NFATC3: variants seen among roughly 807,000 people sequenced by gnomAD.
The protein encoded by NFATC3 is nuclear factor of activated T-cells, cytoplasmic 3.
NFATC3 carries 46 observed loss-of-function variants against 98.6 expected under a neutral mutation model. The observed-to-expected ratio is 0.47, with a 90% confidence interval of 0.37 to 0.60. NFATC3 has a LOEUF of 0.60. Among genes scored for constraint, NFATC3 ranks in the 20% least tolerant of loss-of-function variants. NFATC3 has a pLI of 0.00. For synonymous variants in NFATC3, 512 were observed against 472.2 expected, an observed-to-expected ratio of 1.08 and a Z score of -1.09; for missense variants, 1,256 against 1,295.5, an observed-to-expected ratio of 0.97 and a Z score of 0.47.
At chr16:68,114,684 C>T (rs769692402) in intron 1 of NFATC3, among the ~76,000 whole-genome samples, 4 of 151,352 alleles carry the variant, frequency 2.6e-5, no homozygotes, top group South Asian at 2.1e-4. Flanking sequence ...AAATGATTCT[C>T]CTACCTCAGC....
intron 4 of NFATC3, among the ~76,000 whole-genome samples, chr16:68,161,595 C>T (rs1470163219): frequency 6.6e-6 from 1 of 152,186 alleles, no homozygotes; most frequent in Non-Finnish European, 1.5e-5. Flanking sequence ...CTTTACCGTA[C>T]AACACGTGGC....
chr16:68,206,321 T>G (rs781052710), intron 9 of NFATC3, among the ~76,000 whole-genome samples: 3 of 152,226 alleles, frequency 2.0e-5, no homozygotes, highest in Non-Finnish European at 4.4e-5. Context: ...CAATATTGTA[T>G]AACCACCACC....
At chr16:68,201,957 CAAAAAAAAAAA>C (rs778770193) in intron 9 of NFATC3, among the ~76,000 whole-genome samples, 3 of 23,650 alleles carry the variant, frequency 1.3e-4, no homozygotes, top group South Asian at 2.0e-3. Flanking sequence ...GACTCCATCT[CAAAAAAAAAAA>C]AAAAAAAAAA....
At chr16:68,111,010 T>C (rs1173792352) in intron 1 of NFATC3, among the ~76,000 whole-genome samples, 1 of 152,230 alleles carries the variant, frequency 6.6e-6, no homozygotes, top group African/African-American at 2.4e-5. Flanking sequence ...TGCGCTGTGG[T>C]CTGAGAGACA....
At chr16:68,224,432 G>A (rs1382233241) in intron 9 of NFATC3, among the ~76,000 whole-genome samples, 2 of 151,206 alleles carry the variant, frequency 1.3e-5, no homozygotes, top group Non-Finnish European at 2.9e-5. Context: ...GCCTGCCACC[G>A]TGCCTGGCTA....
chr16:68,137,762 C>T lies in NFATC3; in HGVS notation c.1401+11152C>T, dbSNP rs551732869. 1.6e-3 allele frequency among the ~76,000 whole-genome samples: 248 copies of T among 151,904 alleles called. 1 individual carries two copies. Among genetic ancestry groups the T allele is most frequent in the Non-Finnish European group, 3.0e-3 (204 of 67,942 alleles). On this transcript the variant is annotated intron_variant, in intron 3 of 9. Transcript: ENST00000346183. ...CCGAGTAGCTGGGACTACAGGTGCC[C>T]GCCACCACGCCCAGCTAATTTTTTT...
intron 1 of NFATC3, among the ~76,000 whole-genome samples, chr16:68,111,116 T>A (rs751099226): frequency 2.0e-5 from 3 of 152,160 alleles, no homozygotes; most frequent in Non-Finnish European, 4.4e-5. Context: ...CTGAGAAGAA[T>A]GTATATTCTG....
intron 3 of NFATC3, among the ~76,000 whole-genome samples, chr16:68,151,400 A>G (rs907679444): frequency 5.3e-5 from 8 of 152,188 alleles, no homozygotes; most frequent in African/African-American, 1.9e-4. Context: ...CATTACTGAC[A>G]ATGACATGAT....
At chr16:68,126,828 ACT>A (rs534752551) in intron 3 of NFATC3, among the ~76,000 whole-genome samples, 56 of 152,170 alleles carry the variant, frequency 3.7e-4, no homozygotes, top group African/African-American at 1.1e-3. Context: ...TTCTGGGGAG[ACT>A]CTGGAGAAAG....
At chr16:68,194,445 C>G (rs1040300411) in intron 9 of NFATC3, among the ~76,000 whole-genome samples, 1 of 152,220 alleles carries the variant, frequency 6.6e-6, no homozygotes, top group Non-Finnish European at 1.5e-5. Context: ...ATAAGTGTCA[C>G]TCCCTACTAA....
intron 8 of NFATC3, 110 bp downstream of exon 8, chr16:68,183,476 A>C: frequency 1.7e-6 from 2 of 1,194,438 alleles, no homozygotes; most frequent in Non-Finnish European, 1.2e-6. Flanking sequence ...ATAAACAATG[A>C]AAACACCAAC....
At chr16:68,217,464 C>CAA (rs68079157) in intron 9 of NFATC3, among the ~76,000 whole-genome samples, 5,370 of 44,884 alleles carry the variant, frequency 0.12, 391 homozygotes, top group South Asian at 0.16. Context: ...GTCTCTGTCT[C>CAA]AAAAAAAAAA....
In NFATC3 at chr16:68,129,822, T is replaced by C. The variant is rs376472273; in HGVS notation, c.1401+3212T>C. Among the ~76,000 whole-genome samples, 81 of 152,096 alleles carry C rather than the reference T, an allele frequency of 5.3e-4. 1 individual carries two copies. Among genetic ancestry groups the C allele is most frequent in the African/African-American group, 1.8e-3 (76 of 41,504 alleles). ...CCTCCCGAGTAGCTGGGACTGCAGATGCATGCCACTGCATCTGGCTAATTT... is the reference window on the plus strand; with the variant it reads ...CCTCCCGAGTAGCTGGGACTGCAGACGCATGCCACTGCATCTGGCTAATTT... On this transcript the variant is annotated intron_variant, in intron 3 of 9. Coordinates refer to ENST00000346183, the MANE Select transcript of NFATC3 (RefSeq NM_173165.3).
chr16:68,166,743 G>T, intron 4 of NFATC3, 100 bp from the exon 5 acceptor site: 3 of 885,692 alleles, frequency 3.4e-6, no homozygotes, highest in South Asian at 2.2e-5. Context: ...CCTAATTTTG[G>T]GTAGTTTTTT....
rs2042092298 is a variant in NFATC3, at chr16:68,229,225, G to C, written c.*2754G>C. 6.6e-6 allele frequency: 1 copy of C among 152,242 alleles called. No homozygotes were observed. Among genetic ancestry groups the C allele is most frequent in the African/African-American group, 2.4e-5 (1 of 41,456 alleles). The allele number at this position is 152,242 out of a possible 1,614,324, so 9.4% of individuals were successfully genotyped here. ...CAGCAGTTGAGGCTCCTCAGTTTTA[G>C]TGCTGAAATAATAAACAGTGACAGG... On this transcript the variant is annotated 3_prime_UTR_variant, in exon 10 of 10. Transcript: ENST00000346183.
intron 8 of NFATC3, among the ~76,000 whole-genome samples, chr16:68,189,103 G>T (rs2040332626): frequency 1.3e-5 from 2 of 152,138 alleles, no homozygotes; most frequent in South Asian, 2.1e-4. Context: ...TGGCACCCTT[G>T]TTTTTGAAAA....
chr16:68,190,814 T>C lies in NFATC3; in HGVS notation c.2145T>C (p.Val715=). ...GAGAAGAGATTGATTTGTCTTCAGT[T>C]CCATCTTTGCCTGTGCCTCATCCTG... ...EHREEIDLSS[V]PSLPVPHPAQ... The change falls in exon 9 of 10, where the codon GTT becomes GTC. Residue 715 remains valine, a synonymous_variant. Coordinates refer to ENST00000346183, the MANE Select transcript of NFATC3 (RefSeq NM_173165.3). 6.2e-7 allele frequency: 1 copy of C among 1,613,222 alleles called. No homozygotes were observed. Among genetic ancestry groups the C allele is most frequent in the South Asian group, 1.1e-5 (1 of 90,954 alleles).
At chr16:68,106,377 C>T (rs541928975) in intron 1 of NFATC3, among the ~76,000 whole-genome samples, 24 of 151,706 alleles carry the variant, frequency 1.6e-4, no homozygotes, top group African/African-American at 5.6e-4. Context: ...ACTGCACCTC[C>T]ACCTCCTGGG....
intron 1 of NFATC3, chr16:68,089,070 T>A: frequency 1.0e-6 from 1 of 985,478 alleles, no homozygotes; most frequent in Non-Finnish European, 1.2e-6. Flanking sequence ...GTTCTTTGGC[T>A]TTTATTGATG....
Sources: gnomAD v4.1 joint callset for allele counts (sites outside exome capture counted in the v4.1 genomes callset) on GRCh38, gnomAD v4.1.1 for gene constraint, MANE v1.5 for transcripts, NCBI Gene and HGNC (gene_info 2026-07-23, HGNC 2026-07-21) for gene names.